The following NRF1 variants were observed in gnomAD, a reference collection of about 807,000 sequenced individuals.
NRF1 encodes the protein alpha palindromic-binding protein.
Under a neutral mutation model 58.5 loss-of-function variants are expected in NRF1, and 5 were observed. That is an observed-to-expected ratio of 0.09 (90% CI 0.04 to 0.18). The LOEUF is 0.18. Among genes scored for constraint, NRF1 ranks in the 10% least tolerant of loss-of-function variants. The pLI, the probability that NRF1 is intolerant of heterozygous loss-of-function variation, is 1.00. For synonymous variants in NRF1, 224 were observed against 246.7 expected (o/e 0.91, Z 0.86); for missense variants, 288 against 657.7 (o/e 0.44, Z 6.15).
intron 1 of NRF1, among the ~76,000 whole-genome samples, chr7:129,650,968 A>C (rs1801520351): frequency 6.6e-6 from 1 of 152,320 alleles, no homozygotes; most frequent in African/African-American, 2.4e-5. Flanking sequence ...GATGTCCAGC[A>C]ATATGTCATA....
intron 10 of NRF1, among the ~76,000 whole-genome samples, chr7:129,744,990 TAAAAAGTTTGAAGAAAAA>T (rs1803939483): frequency 6.8e-6 from 1 of 147,528 alleles, no homozygotes; most frequent in Non-Finnish European, 1.5e-5. Context: ...TTTTCCATCA[TAAAAAGTTTGAAGAAAAA>T]AAAAAGTTTG....
intron 1 of NRF1, among the ~76,000 whole-genome samples, chr7:129,614,443 T>TTTTGTGTGTGTGTGTGTGTG (rs1491367764): frequency 7.5e-5 from 11 of 145,854 alleles, no homozygotes; most frequent in African/African-American, 2.8e-4. Flanking sequence ...AAATATGTAT[T>TTTTGTGTGTGTGTGTGTGTG]TGTGTGTGTG....
intron 2 of NRF1, among the ~76,000 whole-genome samples, chr7:129,663,891 G>A (rs1025128847): frequency 5.3e-5 from 8 of 152,190 alleles, no homozygotes; most frequent in African/African-American, 1.9e-4. Context: ...TCGGGAGGCC[G>A]AGGTGGGCAG....
intron 3 of NRF1, among the ~76,000 whole-genome samples, chr7:129,673,611 G>A (rs1802102190): frequency 6.6e-6 from 1 of 151,552 alleles, no homozygotes; most frequent in Non-Finnish European, 1.5e-5. Context: ...CAGCTACTCG[G>A]GAGGCTGAGG....
chr7:129,734,225 C>T (rs535942357), intron 10 of NRF1, among the ~76,000 whole-genome samples: 12 of 152,278 alleles, frequency 7.9e-5, no homozygotes, highest in Admixed American at 2.0e-4. Context: ...ATATTTAAAA[C>T]GCATGATAAC....
intron 8 of NRF1, among the ~76,000 whole-genome samples, chr7:129,714,471 G>C (rs529947075): frequency 6.6e-5 from 10 of 152,314 alleles, no homozygotes; most frequent in Non-Finnish European, 1.3e-4. Context: ...CCCGGCTTCA[G>C]TGGATGTTTT....
chr7:129,662,881 T>C (rs1023474890), intron 2 of NRF1, among the ~76,000 whole-genome samples: 2 of 152,126 alleles, frequency 1.3e-5, no homozygotes, highest in Non-Finnish European at 2.9e-5. Context: ...GTCTCTGGTT[T>C]TCCTAGGCAG....
At chr7:129,618,542 A>G (rs899956125) in intron 1 of NRF1, among the ~76,000 whole-genome samples, 1 of 152,160 alleles carries the variant, frequency 6.6e-6, no homozygotes, top group African/African-American at 2.4e-5. Flanking sequence ...AAAAATTTAA[A>G]AAATTTGTCA....
At chr7:129,680,072 A>G (rs1386083086) in intron 4 of NRF1, among the ~76,000 whole-genome samples, 1 of 152,128 alleles carries the variant, frequency 6.6e-6, no homozygotes, top group Non-Finnish European at 1.5e-5. Flanking sequence ...AAAAATAATA[A>G]TAATAAAAAT....
intron 10 of NRF1, among the ~76,000 whole-genome samples, chr7:129,730,241 T>C (rs948022585): frequency 6.6e-6 from 1 of 152,090 alleles, no homozygotes; most frequent in Non-Finnish European, 1.5e-5. Flanking sequence ...CTCTGGCTGG[T>C]CTCAAACTCT....
intron 3 of NRF1, 127 bp from the exon 4 acceptor site, chr7:129,677,505 C>T: frequency 1.2e-6 from 1 of 801,722 alleles, no homozygotes; most frequent in South Asian, 1.8e-5. Context: ...CCTCACATTC[C>T]CCTTTTCACA....
At chr7:129,673,758 C>T (rs1307448789) in intron 3 of NRF1, among the ~76,000 whole-genome samples, 1 of 149,144 alleles carries the variant, frequency 6.7e-6, no homozygotes, top group Non-Finnish European at 1.5e-5. Flanking sequence ...TTGATGGGTG[C>T]AGCAGACCAC....
chr7:129,686,714 A>G (rs1802450848), intron 4 of NRF1, among the ~76,000 whole-genome samples: 3 of 152,262 alleles, frequency 2.0e-5, no homozygotes, highest in Admixed American at 1.3e-4. Context: ...GTGGTATACA[A>G]GATGAATTGA....
chr7:129,639,770 A>T (rs1191946037), intron 1 of NRF1, among the ~76,000 whole-genome samples: 3 of 151,282 alleles, frequency 2.0e-5, no homozygotes, highest in Non-Finnish European at 4.4e-5. Context: ...CTGGTCTCGA[A>T]CTCCTGGCCT....
chr7:129,631,381 T>G (rs889573230), intron 1 of NRF1, among the ~76,000 whole-genome samples: 4 of 151,944 alleles, frequency 2.6e-5, no homozygotes, highest in Non-Finnish European at 4.4e-5. Context: ...CACCATGCCT[T>G]CCTTCTTTTT....
At chr7:129,612,880 T>G (rs1356892232) in intron 1 of NRF1, among the ~76,000 whole-genome samples, 1 of 152,216 alleles carries the variant, frequency 6.6e-6, no homozygotes, top group Non-Finnish European at 1.5e-5. Flanking sequence ...GAACTTGAAG[T>G]TGTTTAAAAA....
At position 129,741,308 on chromosome 7, in the gene NRF1, G is replaced by A. The variant is rs1478233583; in HGVS notation, c.1349-13710G>A. On this transcript the variant is annotated intron_variant, in intron 10 of 10. Coordinates refer to ENST00000393232, the MANE Select transcript of NRF1 (RefSeq NM_005011.5). This position sits in a 1 kb window ranked among gnomAD's most constrained non-coding sequence, Gnocchi z 4.0. ...TGACTGTGGTCTCCTCTCCATCCAC[G>A]GTGTCCTCAAGGCCAAGTTACATGC... is the stretch of plus-strand genomic sequence containing the variant. Among the ~76,000 whole-genome samples, 1 of 152,086 alleles carries A rather than the reference G, an allele frequency of 6.6e-6. No homozygotes were observed. The highest frequency in any genetic ancestry group is 1.5e-5 in the Non-Finnish European group (1 of 68,016).
intron 1 of NRF1, among the ~76,000 whole-genome samples, chr7:129,623,766 G>A (rs1185343518): frequency 6.6e-6 from 1 of 152,110 alleles, no homozygotes; most frequent in Non-Finnish European, 1.5e-5. Flanking sequence ...GTATAGTAAA[G>A]CCTGTAGAGG....
chr7:129,620,690 TTAC>T (rs1584578961), intron 1 of NRF1, among the ~76,000 whole-genome samples: 1 of 152,142 alleles, frequency 6.6e-6, no homozygotes, highest in East Asian at 1.9e-4. Flanking sequence ...TGGGCCCAAA[TTAC>T]TATTGTTTTA....
Sources: gnomAD v4.1 joint callset for allele counts (sites outside exome capture counted in the v4.1 genomes callset) on GRCh38, gnomAD v4.1.1 for gene constraint, Gnocchi (gnomAD v3.1) non-coding constraint, MANE v1.5 for transcripts, NCBI Gene and HGNC (gene_info 2026-07-23, HGNC 2026-07-21) for gene names.